LRRTM4: variants seen among roughly 807,000 people sequenced by gnomAD.
LRRTM4 encodes leucine-rich repeat transmembrane neuronal protein 4.
LRRTM4 carries 25 observed loss-of-function variants against 47.6 expected under a neutral mutation model. That is an observed-to-expected ratio of 0.53 (90% CI 0.38 to 0.73). The LOEUF is 0.73. Among genes scored for constraint, LRRTM4 ranks in the 30% least tolerant of loss-of-function variants. LRRTM4 has a pLI of 0.00. For missense variants in LRRTM4, 638 were observed against 713.4 expected (o/e 0.89, Z 1.20); for synonymous variants, 311 against 269.5 (o/e 1.15, Z -1.51).
intron 3 of LRRTM4, among the ~76,000 whole-genome samples, chr2:77,149,474 C>T (rs1472286239): frequency 2.6e-5 from 4 of 151,942 alleles, no homozygotes; most frequent in South Asian, 4.2e-4. Flanking sequence ...CAAAGGCTCC[C>T]GAGGTTCTCT....
chr2:77,161,689 T>C (rs1175107727), intron 3 of LRRTM4, among the ~76,000 whole-genome samples: 2 of 152,180 alleles, frequency 1.3e-5, no homozygotes, highest in Admixed American at 6.5e-5. Context: ...TTCAAACCCA[T>C]GTTGTTCAGT....
At chr2:76,805,293 C>A (rs1675912807) in intron 3 of LRRTM4, among the ~76,000 whole-genome samples, 1 of 151,996 alleles carries the variant, frequency 6.6e-6, no homozygotes, top group South Asian at 2.1e-4. Context: ...ATGATGGAAC[C>A]AAAATTGTGT....
At chr2:76,962,162 T>C (rs1031020670) in intron 3 of LRRTM4, among the ~76,000 whole-genome samples, 1 of 151,294 alleles carries the variant, frequency 6.6e-6, no homozygotes, top group Non-Finnish European at 1.5e-5. Flanking sequence ...CTTTAAATGG[T>C]AGGTCAAATA....
At chr2:77,011,552 T>C (rs892812313) in intron 3 of LRRTM4, among the ~76,000 whole-genome samples, 5 of 150,696 alleles carry the variant, frequency 3.3e-5, no homozygotes, top group South Asian at 2.1e-4. Flanking sequence ...TGTGTGTGTG[T>C]GTGTGTGTGT....
chr2:77,052,146 T>C (rs995170012), intron 3 of LRRTM4, among the ~76,000 whole-genome samples: 4 of 126,238 alleles, frequency 3.2e-5, no homozygotes, highest in African/African-American at 1.3e-4. Flanking sequence ...TACCGTTACA[T>C]TTCCTTTTTT....
intron 3 of LRRTM4, among the ~76,000 whole-genome samples, chr2:77,117,988 A>G (rs867120022): frequency 2.4e-4 from 37 of 152,102 alleles, no homozygotes; most frequent in African/African-American, 7.5e-4. Flanking sequence ...TTACTATCAA[A>G]ATATATAGCT....
chr2:77,141,688 G>A (rs545920413), intron 3 of LRRTM4, among the ~76,000 whole-genome samples: 1 of 152,272 alleles, frequency 6.6e-6, no homozygotes, highest in South Asian at 2.1e-4. Context: ...GGACTCCTAA[G>A]TTTTTATTTT....
At chr2:77,105,610 G>C (rs929661921) in intron 3 of LRRTM4, among the ~76,000 whole-genome samples, 16 of 151,970 alleles carry the variant, frequency 1.1e-4, no homozygotes, top group Non-Finnish European at 1.8e-4. Context: ...GTATACATAC[G>C]TAACTAACCT....
At position 76,817,654 on chromosome 2, in the gene LRRTM4, T is replaced by A. The variant is rs562100346; in HGVS notation, c.1552-68738A>T. ...AGCAGTCAGAATTGCAGCCAGAGAA[T>A]GAGGCTATGCCCATATATGACTACT... is the stretch of plus-strand genomic sequence containing the variant. On this transcript the variant is annotated intron_variant, in intron 3 of 3. Coordinates refer to ENST00000409884, the MANE Select transcript of LRRTM4 (RefSeq NM_001134745.3). Among the ~76,000 whole-genome samples the A allele has an allele frequency of 6.7e-4, 102 of 152,116 alleles. 1 individual carries two copies. Among genetic ancestry groups the A allele is most frequent in the Non-Finnish European group, 1.3e-3 (85 of 67,958 alleles).
At chr2:77,136,795 C>A (rs1243007797) in intron 3 of LRRTM4, among the ~76,000 whole-genome samples, 5 of 151,794 alleles carry the variant, frequency 3.3e-5, no homozygotes, top group African/African-American at 1.2e-4. Flanking sequence ...CCTGAGGGAG[C>A]TGAAAACAAT....
chr2:76,867,592 T>TA (rs1672503195), intron 3 of LRRTM4, among the ~76,000 whole-genome samples: 1 of 152,186 alleles, frequency 6.6e-6, no homozygotes, highest in Admixed American at 6.5e-5. Context: ...GTTGAAGAGA[T>TA]ACTTGCCATT....
chr2:76,786,228 A>T (rs935436642), intron 3 of LRRTM4, among the ~76,000 whole-genome samples: 1 of 152,152 alleles, frequency 6.6e-6, no homozygotes, highest in South Asian at 2.1e-4. Flanking sequence ...ACCATGAACG[A>T]TTAAAAATAA....
chr2:76,829,747 C>T (rs967956810), intron 3 of LRRTM4, among the ~76,000 whole-genome samples: 1 of 151,934 alleles, frequency 6.6e-6, no homozygotes, highest in African/African-American at 2.4e-5. Context: ...TCAGAATGTA[C>T]AAGCAATGTA....
At chr2:76,891,205 C>G (rs1673242532) in intron 3 of LRRTM4, among the ~76,000 whole-genome samples, 1 of 151,560 alleles carries the variant, frequency 6.6e-6, no homozygotes, top group Non-Finnish European at 1.5e-5. Flanking sequence ...GATGTTTGCT[C>G]AACAAAAAAC....
chr2:76,955,850 C>T (rs1056852979), intron 3 of LRRTM4, among the ~76,000 whole-genome samples: 10 of 151,550 alleles, frequency 6.6e-5, no homozygotes, highest in East Asian at 3.9e-4. Context: ...CTCCAAACTA[C>T]GAAAAATAGT....
At chr2:77,492,302 C>T (rs567647388) in intron 3 of LRRTM4, among the ~76,000 whole-genome samples, 4 of 152,172 alleles carry the variant, frequency 2.6e-5, no homozygotes, top group Admixed American at 2.0e-4. Flanking sequence ...GCTCGTCACT[C>T]GGGCTGGAGT....
intron 3 of LRRTM4, among the ~76,000 whole-genome samples, chr2:77,001,243 A>G (rs1677415918): frequency 6.6e-6 from 1 of 152,140 alleles, no homozygotes; most frequent in Admixed American, 6.6e-5. Context: ...GCCCAAAGAG[A>G]GAAGACACTT....
Position 77,420,867 on chromosome 2 carries a change from A to AAT in LRRTM4, c.1551+97449_1551+97450dup, listed in dbSNP as rs530231153. ...AGGCCCTTTCAGTGGACAAAATGGG[A>AAT]ATATATATATATAATATATAATATA... On this transcript the variant is annotated intron_variant, in intron 3 of 3. Coordinates refer to ENST00000409884, the MANE Select transcript of LRRTM4 (RefSeq NM_001134745.3). Among the ~76,000 whole-genome samples, 781 of 145,860 alleles carry AAT rather than the reference A, an allele frequency of 5.4e-3. 4 individuals carry two copies. Among genetic ancestry groups the AAT allele is most frequent in the Non-Finnish European group, 8.7e-3 (579 of 66,644 alleles).
intron 3 of LRRTM4, among the ~76,000 whole-genome samples, chr2:77,487,275 G>A (rs1677954759): frequency 6.6e-6 from 1 of 152,172 alleles, no homozygotes; most frequent in Non-Finnish European, 1.5e-5. Context: ...CTGTGCTCTT[G>A]GGGACCCAGG....
Sources: gnomAD v4.1 joint callset for allele counts (sites outside exome capture counted in the v4.1 genomes callset) on GRCh38, gnomAD v4.1.1 for gene constraint, MANE v1.5 for transcripts, NCBI Gene and HGNC (gene_info 2026-07-23, HGNC 2026-07-21) for gene names.